CNTN4: variants seen among roughly 807,000 people sequenced by gnomAD.
The protein encoded by CNTN4 is contactin 4.
A neutral mutation model predicts 122.5 loss-of-function variants in CNTN4; 77 were observed. The ratio of observed to expected loss-of-function variants is 0.63; its 90% CI spans 0.52 to 0.76. The LOEUF (loss-of-function observed/expected upper bound fraction) is 0.76. Ranked by LOEUF, CNTN4 falls within the 30% of genes least tolerant of loss-of-function variation. The pLI is 0.00. For missense variants in CNTN4, 1,256 were observed against 1,259.1 expected, an observed-to-expected ratio of 1.00 and a Z score of 0.04; for synonymous variants, 512 against 447.0, an observed-to-expected ratio of 1.15 and a Z score of -1.83.
chr3:2,909,596 T>G (rs1175014317), intron 12 of CNTN4, among the ~76,000 whole-genome samples: 1 of 152,162 alleles, frequency 6.6e-6, no homozygotes, highest in African/African-American at 2.4e-5. Context: ...CAGTCTCTGA[T>G]CCTAGGACCC....
intron 3 of CNTN4, among the ~76,000 whole-genome samples, chr3:2,406,364 C>G (rs1168020405): frequency 6.6e-6 from 1 of 152,174 alleles, no homozygotes; most frequent in Non-Finnish European, 1.5e-5. Flanking sequence ...CATCATGAGG[C>G]TGCACCAGGC....
chr3:2,230,738 AT>A (rs2039453290), intron 2 of CNTN4, among the ~76,000 whole-genome samples: 2 of 152,150 alleles, frequency 1.3e-5, no homozygotes, highest in African/African-American at 4.8e-5. Context: ...TAATCCCAGC[AT>A]TTTGGCAGGC....
intron 3 of CNTN4, among the ~76,000 whole-genome samples, chr3:2,519,596 C>A (rs1402511246): frequency 6.6e-6 from 1 of 152,172 alleles, no homozygotes; most frequent in Non-Finnish European, 1.5e-5. Flanking sequence ...CTGCAGAAAC[C>A]AGGCTGAACA....
intron 7 of CNTN4, among the ~76,000 whole-genome samples, chr3:2,820,540 G>A (rs1249111395): frequency 6.6e-6 from 1 of 152,006 alleles, no homozygotes; most frequent in Non-Finnish European, 1.5e-5. Flanking sequence ...CCATTTTCCA[G>A]CCCTTCTCCC....
chr3:2,123,255 A>C (rs2033914319), intron 2 of CNTN4, among the ~76,000 whole-genome samples: 1 of 152,180 alleles, frequency 6.6e-6, no homozygotes, highest in African/African-American at 2.4e-5. Flanking sequence ...AATTTTGGAA[A>C]TTTAAGTTCA....
chr3:2,825,107 G>A (rs1449696272), intron 7 of CNTN4, among the ~76,000 whole-genome samples: 4 of 152,198 alleles, frequency 2.6e-5, no homozygotes, highest in Admixed American at 2.6e-4. Flanking sequence ...CTGGTCAGGT[G>A]CAGTGCCTCT....
chr3:2,948,307 C>G lies in CNTN4; in HGVS notation c.1358+22528C>G, dbSNP rs147591495. The stretch of plus-strand genomic sequence containing the variant: ...CTACAAACCTACAATACGTTCAAGC[C>G]TACAGAGCCTAGAGGAAGGAGGGAA... On this transcript the variant is annotated intron_variant, in intron 13 of 24. Transcript: ENST00000418658. Among the ~76,000 whole-genome samples the G allele has an allele frequency of 5.3e-5, 8 of 152,232 alleles. No individual in the cohort carries two copies. The East Asian group carries it at 1.5e-3, about 29-fold the overall frequency.
At chr3:2,804,216 A>G (rs1190656992) in intron 6 of CNTN4, among the ~76,000 whole-genome samples, 1 of 152,164 alleles carries the variant, frequency 6.6e-6, no homozygotes, top group Non-Finnish European at 1.5e-5. Flanking sequence ...CATTTGTTAC[A>G]GTGGGTGTTA....
chr3:2,426,448 ATG>A (rs2047836783), intron 3 of CNTN4, among the ~76,000 whole-genome samples: 1 of 151,990 alleles, frequency 6.6e-6, no homozygotes, highest in African/African-American at 2.4e-5. Flanking sequence ...AAGCTTTTTG[ATG>A]TGCTGCTGGA....
chr3:2,240,181 A>G (rs143459128), intron 2 of CNTN4, among the ~76,000 whole-genome samples: 31 of 152,320 alleles, frequency 2.0e-4, no homozygotes, highest in African/African-American at 7.5e-4. Context: ...GTAAGTCCTG[A>G]ATGCCCTTTA....
intron 2 of CNTN4, among the ~76,000 whole-genome samples, chr3:2,120,374 A>ATAT (rs2033653105): frequency 3.4e-5 from 2 of 59,100 alleles, no homozygotes; most frequent in Admixed American, 2.0e-4. Context: ...TATATATATA[A>ATAT]ATATATATAT....
At chr3:2,621,774 C>T (rs185517358) in intron 4 of CNTN4, among the ~76,000 whole-genome samples, 1 of 151,980 alleles carries the variant, frequency 6.6e-6, no homozygotes, top group African/African-American at 2.4e-5. Flanking sequence ...TTTCAGTGGG[C>T]TGTGATATTA....
rs1430140098 is a variant in CNTN4, at chr3:2,803,970, A to G, written c.359-15516A>G. 5.3e-5 allele frequency among the ~76,000 whole-genome samples: 8 copies of G among 152,206 alleles called. No homozygotes were observed. In the East Asian group the frequency reaches 1.5e-3, roughly 29 times the overall value. ...ATGTTGAGTAAAAATAGCAAGTGTT[A>G]GAGGAATGCATAGTACAATTCCATT... On this transcript the variant is annotated intron_variant, in intron 6 of 24. Coordinates refer to ENST00000418658, the MANE Select transcript of CNTN4 (RefSeq NM_175607.3).
rs140607753 is a variant in CNTN4 at position 2,113,807 on chromosome 3, C to G, written c.-145+13168C>G. Among the ~76,000 whole-genome samples, 6 of 152,264 alleles carry G rather than the reference C, an allele frequency of 3.9e-5. No homozygotes were observed. The East Asian group carries it at 1.2e-3, about 29-fold the overall frequency. On this transcript the variant is annotated intron_variant, in intron 2 of 24. Coordinates refer to ENST00000418658, the MANE Select transcript of CNTN4 (RefSeq NM_175607.3). ...TTTATTGTTTGTGAAAACATGTTGTCATCACTTTTTGCTTTAAGCCCTTGG... is the reference window on the plus strand; with the variant it reads ...TTTATTGTTTGTGAAAACATGTTGTGATCACTTTTTGCTTTAAGCCCTTGG...
At chr3:2,484,069 C>G (rs2076078550) in intron 3 of CNTN4, among the ~76,000 whole-genome samples, 1 of 152,116 alleles carries the variant, frequency 6.6e-6, no homozygotes, top group South Asian at 2.1e-4. Flanking sequence ...TGATAAAGGA[C>G]TGTTAGCAAA....
At chr3:2,345,529 A>C (rs779851730) in intron 3 of CNTN4, among the ~76,000 whole-genome samples, 1 of 152,192 alleles carries the variant, frequency 6.6e-6, no homozygotes, top group Non-Finnish European at 1.5e-5. Flanking sequence ...GAATATCAGG[A>C]GCATGGGTGT....
chr3:2,871,704 T>C (rs1038646029), intron 8 of CNTN4, among the ~76,000 whole-genome samples: 1 of 152,196 alleles, frequency 6.6e-6, no homozygotes, highest in African/African-American at 2.4e-5. Flanking sequence ...TCCCTGATCA[T>C]CATATTATTT....
intron 3 of CNTN4, among the ~76,000 whole-genome samples, chr3:2,351,060 C>T (rs549212267): frequency 6.6e-6 from 1 of 152,202 alleles, no homozygotes; most frequent in South Asian, 2.1e-4. Flanking sequence ...TGTAAAAGTT[C>T]CTATATTGAG....
At chr3:2,513,515 C>T (rs976146181) in intron 3 of CNTN4, among the ~76,000 whole-genome samples, 2 of 151,618 alleles carry the variant, frequency 1.3e-5, no homozygotes, top group Admixed American at 6.6e-5. Flanking sequence ...TTTCAGGGTC[C>T]CGAACCCCTT....
Sources: gnomAD v4.1 joint callset for allele counts (sites outside exome capture counted in the v4.1 genomes callset) on GRCh38, gnomAD v4.1.1 for gene constraint, MANE v1.5 for transcripts, NCBI Gene and HGNC (gene_info 2026-07-23, HGNC 2026-07-21) for gene names.